MYH11: variants seen among roughly 807,000 people sequenced by gnomAD.
MYH11 encodes myosin heavy chain 11.
A neutral mutation model predicts 246.6 loss-of-function variants in MYH11; 80 were observed. That is an observed-to-expected ratio of 0.32 (90% CI 0.27 to 0.39). MYH11 has a LOEUF of 0.39. Among genes scored for constraint, MYH11 ranks in the 10% least tolerant of loss-of-function variants. The probability of loss-of-function intolerance (pLI) is 1.00; values close to 1 mark genes in which losing one functional copy is unlikely to be tolerated. For missense variants in MYH11, 2,158 were observed against 2,546.8 expected (o/e 0.85, Z 3.29); for synonymous variants, 1,071 against 1,015.5 (o/e 1.05, Z -1.04).
chr16:15,743,224 A>T (rs748275637), intron 20 of MYH11, among the ~76,000 whole-genome samples: 19 of 152,128 alleles, frequency 1.2e-4, no homozygotes, highest in Non-Finnish European at 2.8e-4. Flanking sequence ...GCTGGAGTGC[A>T]GTGGCACGAT....
chr16:15,762,608 G>A (rs925468995), intron 10 of MYH11, among the ~76,000 whole-genome samples: 7 of 151,974 alleles, frequency 4.6e-5, no homozygotes, highest in African/African-American at 1.7e-4. Flanking sequence ...GGACAGCTTC[G>A]ACTCCCTGTA....
In MYH11 at chr16:15,838,225, C is replaced by A. The variant is rs2043958315; in HGVS notation, c.28G>T (p.Asp10Tyr). The A allele has an allele frequency of 2.5e-6, 4 of 1,614,110 alleles. No homozygotes were observed. In the East Asian group the frequency reaches 8.9e-5, roughly 36 times the overall value. MAQKGQLSD[D>Y]EKFLFVDKNF... ...TTGTCCACAAAGAGGAACTTCTCAT[C>A]GTCACTGAGTTGGCCCTTCTGCGCC... is the stretch of plus-strand genomic sequence containing the variant. The change falls in exon 2 of 41, where the codon GAT (aspartate) becomes TAT (tyrosine). Residue 10 changes from aspartate to tyrosine, a missense_variant. Physicochemically the swap from Asp to Tyr is radical, Grantham distance 160 (BLOSUM62 -3). Around this residue, in one of 11 missense-constraint regions of MYH11, gnomAD observed 96 missense variants for 91.9 expected, o/e 1.04. Transcript: ENST00000300036.
chr16:15,761,777 C>T (rs915212526), intron 10 of MYH11, among the ~76,000 whole-genome samples: 25 of 152,086 alleles, frequency 1.6e-4, no homozygotes, highest in Admixed American at 9.2e-4. Context: ...CCTTGGCATC[C>T]GGATTCCATT....
In MYH11 at chr16:15,747,684, C is replaced by G; in HGVS notation, c.2297G>C (p.Ser766Thr). The part of the protein sequence containing the change: ...LDPNLYRIGQ[S>T]KIFFRTGVLA... ...GACGCCAGTTCGGAAGAAGATTTTG[C>G]TCTGCCCTATCCTGTATAAGTTGGG... Residue 766 changes from serine to threonine, a missense_variant, in exon 19 of 41, where the codon AGC becomes ACC. By Grantham distance (58) the Ser-to-Thr change is moderately conservative (BLOSUM62 1). Coordinates refer to ENST00000300036, the MANE Select transcript of MYH11 (RefSeq NM_002474.3). 6.2e-7 allele frequency: 1 copy of G among 1,614,118 alleles called. No homozygotes were observed. Among genetic ancestry groups the G allele is most frequent in the Non-Finnish European group, 8.5e-7 (1 of 1,180,010 alleles).
At position 15,831,915 on chromosome 16, in the gene MYH11, G is replaced by A. The variant is rs138818964; in HGVS notation, c.345+5993C>T. Among the ~76,000 whole-genome samples, 1,096 of 151,988 alleles carry A rather than the reference G, an allele frequency of 7.2e-3. 7 individuals carry two copies. Among genetic ancestry groups the A allele is most frequent in the Non-Finnish European group, 0.011 (780 of 68,002 alleles). ...ATCACACCACTGCTCTCCAGCCTGC[G>A]TGACAGAGCGAGACTCCATGTTAAA... On this transcript the variant is annotated intron_variant, in intron 2 of 40. Transcript: ENST00000300036.
intron 2 of MYH11, among the ~76,000 whole-genome samples, chr16:15,826,537 C>T (rs7184125): frequency 0.3 from 45,801 of 151,330 alleles, 8,118 homozygotes; most frequent in African/African-American, 0.5. Context: ...TGCAGTAAGC[C>T]GTGATTGTGC....
intron 1 of MYH11, among the ~76,000 whole-genome samples, chr16:15,842,745 C>A (rs2044087038): frequency 1.0e-5 from 1 of 97,268 alleles, no homozygotes; most frequent in African/African-American, 4.1e-5. Context: ...GCCCAGGCAA[C>A]AGAGCAAGAC....
chr16:15,752,809 G>T (rs2041606952), intron 15 of MYH11, among the ~76,000 whole-genome samples: 1 of 152,174 alleles, frequency 6.6e-6, no homozygotes. Flanking sequence ...AACCCAGAAG[G>T]TGGAGGCTGC....
rs560815540 is a variant in MYH11 at position 15,708,198 on chromosome 16, G to A, written c.5787-4075C>T. Among the ~76,000 whole-genome samples the A allele has an allele frequency of 1.1e-4, 16 of 152,256 alleles. No homozygotes were observed. The South Asian group carries it at 2.7e-3, about 26-fold the overall frequency. On this transcript the variant is annotated intron_variant, in intron 40 of 40. Transcript: ENST00000300036. ...TGTAGCTAGACATCACTCAAGCCAC[G>A]TGCAGCCCCCGGCATTTGTCAGACA...
chr16:15,848,581 G>C (rs530057090), intron 1 of MYH11, among the ~76,000 whole-genome samples: 5 of 152,004 alleles, frequency 3.3e-5, no homozygotes, highest in Non-Finnish European at 7.4e-5. Flanking sequence ...TGTGTCGTGA[G>C]GGGAGCTCTT....
At chr16:15,769,157 A>G (rs1315113183) in intron 9 of MYH11, among the ~76,000 whole-genome samples, 1 of 152,134 alleles carries the variant, frequency 6.6e-6, no homozygotes, top group Non-Finnish European at 1.5e-5. Context: ...TACTAAAAAT[A>G]CAAAAAAAAT....
At chr16:15,777,622 C>T (rs1260706247) in intron 7 of MYH11, among the ~76,000 whole-genome samples, 1 of 152,088 alleles carries the variant, frequency 6.6e-6, no homozygotes, top group Non-Finnish European at 1.5e-5. Context: ...TGGACTTGAC[C>T]GAAGCCTGAC....
At chr16:15,824,060 C>T (rs961497171) in intron 2 of MYH11, among the ~76,000 whole-genome samples, 5 of 152,022 alleles carry the variant, frequency 3.3e-5, no homozygotes, top group Non-Finnish European at 7.4e-5. Flanking sequence ...TGTTGGGCAC[C>T]GAACTAAGCA....
chr16:15,780,279 G>T (rs191339590), intron 6 of MYH11, among the ~76,000 whole-genome samples: 41 of 152,028 alleles, frequency 2.7e-4, no homozygotes, highest in African/African-American at 2.9e-4. Context: ...GTTGGGGGGG[G>T]GCCGCTGTTG....
At chr16:15,745,633 G>C (rs1360743958) in intron 19 of MYH11, among the ~76,000 whole-genome samples, 1 of 143,318 alleles carries the variant, frequency 7.0e-6, no homozygotes. Context: ...TGTTGCCCAG[G>C]CTGGAGTGCG....
At chr16:15,829,921 G>C (rs918856349) in intron 2 of MYH11, among the ~76,000 whole-genome samples, 4 of 152,148 alleles carry the variant, frequency 2.6e-5, no homozygotes, top group Admixed American at 2.0e-4. Flanking sequence ...GATCACCTGA[G>C]GTCAAGAGTT....
In MYH11 at chr16:15,747,573, C is replaced by T. The variant is rs749801876; in HGVS notation, c.2408G>A (p.Arg803Lys). 1 of 1,614,146 alleles carries T rather than the reference C, an allele frequency of 6.2e-7. No homozygotes were observed. The highest frequency in any genetic ancestry group is 8.5e-7 in the Non-Finnish European group (1 of 1,180,036). Reference sequence around the variant, plus strand: ...GGATGCAGGAAAGCATCTTTACTTTCTGGCCAAGTAGCCACGACACATCGC... The same window carrying T: ...GGATGCAGGAAAGCATCTTTACTTTTTGGCCAAGTAGCCACGACACATCGC... ...FQAMCRGYLA[R>K]KAFAKRQQQL... Residue 803 changes from arginine (R) to lysine (K), a missense_variant, in exon 19 of 41, where the codon AGA (arginine) becomes AAA (lysine). Around this residue, in one of 11 missense-constraint regions of MYH11, gnomAD observed 90 missense variants for 144.2 expected, o/e 0.62. Coordinates refer to ENST00000300036, the MANE Select transcript of MYH11 (RefSeq NM_002474.3).
intron 2 of MYH11, among the ~76,000 whole-genome samples, chr16:15,834,812 G>C (rs558151051): frequency 2.6e-5 from 4 of 151,938 alleles, no homozygotes; most frequent in African/African-American, 7.2e-5. Context: ...GCTCACACCC[G>C]TAATCCCAGC....
At chr16:15,839,268 A>C (rs1258156366) in intron 1 of MYH11, among the ~76,000 whole-genome samples, 1 of 152,156 alleles carries the variant, frequency 6.6e-6, no homozygotes, top group East Asian at 1.9e-4. Flanking sequence ...GAAAGAAATT[A>C]TGCAATAAAA....
Sources: gnomAD v4.1 joint callset for allele counts (sites outside exome capture counted in the v4.1 genomes callset) on GRCh38, gnomAD v4.1.1 for gene constraint, gnomAD v4.1.1 regional missense constraint, MANE v1.5 for transcripts, NCBI Gene and HGNC (gene_info 2026-07-23, HGNC 2026-07-21) for gene names.